MMAA: variants seen among roughly 807,000 people sequenced by gnomAD.
MMAA encodes metabolism of cobalamin associated A.
Under a neutral mutation model 45.0 loss-of-function variants are expected in MMAA, and 41 were observed. That is an observed-to-expected ratio of 0.91 (90% CI 0.71 to 1.18). The LOEUF (loss-of-function observed/expected upper bound fraction) is 1.18, where lower values mean the gene tolerates loss of function less well. MMAA is among the 50% of genes most tolerant of loss of function. The probability of loss-of-function intolerance (pLI) is 0.00; values close to 1 mark genes in which losing one functional copy is unlikely to be tolerated. For synonymous variants in MMAA, 154 were observed against 178.2 expected (o/e 0.86, Z 1.08); for missense variants, 460 against 495.7 (o/e 0.93, Z 0.68).
At chr4:145,638,547 T>A (rs1055970828) in intron 1 of MMAA, among the ~76,000 whole-genome samples, 4 of 152,352 alleles carry the variant, frequency 2.6e-5, no homozygotes, top group African/African-American at 9.6e-5. Flanking sequence ...TAAGTTAGGC[T>A]ACTCTTTGCA....
chr4:145,655,130 T>G lies in MMAA; in HGVS notation c.970-17T>G. ...ATCATTTTAAGTAAAATGGTCTGGT[T>G]CTTCCCTTTTCGATAGGTAATTCGT... On this transcript the variant is annotated splice_polypyrimidine_tract_variant and intron_variant, in intron 6 of 6. Coordinates refer to ENST00000649156, the MANE Select transcript of MMAA (RefSeq NM_172250.3). 1 of 1,613,882 alleles carries G rather than the reference T, an allele frequency of 6.2e-7. No individual in the cohort carries two copies. Among genetic ancestry groups the G allele is most frequent in the Non-Finnish European group, 8.5e-7 (1 of 1,179,926 alleles).
intron 1 of MMAA, chr4:145,624,442 G>A (rs1055886801): frequency 1.2e-6 from 1 of 817,962 alleles, no homozygotes; most frequent in Non-Finnish European, 2.1e-6. Context: ...TTTAGCTTTT[G>A]TTTGCCAGCT....
Position 145,654,081 on chromosome 4 carries a change from C to G in MMAA, c.907C>G (p.Gln303Glu). 1 of 1,614,110 alleles carries G rather than the reference C, an allele frequency of 6.2e-7. No individual in the cohort carries two copies. Among genetic ancestry groups the G allele is most frequent in the Non-Finnish European group, 8.5e-7 (1 of 1,180,012 alleles). Reference protein sequence around the residue: ...GDLIVPARRIQAEYVSALKLL... With the variant: ...GDLIVPARRIEAEYVSALKLL... ...CTTGATTGTGCCAGCTCGAAGGATA[C>G]AAGCGGAATATGTGAGTGCACTGAA... Residue 303 changes from glutamine (Q) to glutamate (E), a missense_variant, in exon 6 of 7, where the codon CAA becomes GAA. Gln to Glu is a conservative substitution (Grantham distance 29). Transcript: ENST00000649156.
At chr4:145,650,980 G>A (rs1578885452) in intron 4 of MMAA, 82 bp from the exon 5 acceptor site, 1 of 1,210,716 alleles carries the variant, frequency 8.3e-7, no homozygotes, top group East Asian at 2.3e-5. Flanking sequence ...AGTAAATGAA[G>A]TAGAATGGAA....
At chr4:145,624,238 G>A in intron 1 of MMAA, 1 of 808,368 alleles carries the variant, frequency 1.2e-6, no homozygotes, top group South Asian at 1.3e-5. Flanking sequence ...ATCACAAACT[G>A]CAGGGAGGCC....
chr4:145,634,498 A>G (rs1342955037), intron 1 of MMAA, among the ~76,000 whole-genome samples: 1 of 151,624 alleles, frequency 6.6e-6, no homozygotes, highest in Non-Finnish European at 1.5e-5. Context: ...CAGAAATGCC[A>G]TCCAAGAGCC....
Position 145,639,074 on chromosome 4 carries a change from G to A in MMAA, c.-65-1G>A. 1 of 1,424,978 alleles carries A rather than the reference G, an allele frequency of 7.0e-7. No homozygotes were observed. The highest frequency in any genetic ancestry group is 1.1e-5 in the South Asian group (1 of 87,338). The allele number at this position is 1,424,978 out of a possible 1,614,324, so 88.3% of individuals were successfully genotyped here. On this transcript the variant is annotated splice_acceptor_variant, in intron 1 of 6. Coordinates refer to ENST00000649156, the MANE Select transcript of MMAA (RefSeq NM_172250.3). LOFTEE classifies it low-confidence loss of function (5UTR_SPLICE). ...GGCTAACATGTTTTTCTTTCTTCTA[G>A]GGAGGTCACAATCACATTGAGCCAA...
chr4:145,632,330 T>A (rs1283106375), intron 1 of MMAA, among the ~76,000 whole-genome samples: 1 of 152,234 alleles, frequency 6.6e-6, no homozygotes, highest in Non-Finnish European at 1.5e-5. Flanking sequence ...TGCCATTCTC[T>A]CCTAGCCTAT....
At chr4:145,641,451 C>T (rs1404764154) in intron 2 of MMAA, among the ~76,000 whole-genome samples, 4 of 152,134 alleles carry the variant, frequency 2.6e-5, no homozygotes, top group Admixed American at 6.5e-5. Flanking sequence ...AGTATTGGAT[C>T]TGCCCCAAGA....
At chr4:145,653,204 T>C (rs1297946166) in intron 5 of MMAA, among the ~76,000 whole-genome samples, 1 of 152,200 alleles carries the variant, frequency 6.6e-6, no homozygotes, top group Non-Finnish European at 1.5e-5. Flanking sequence ...AATGCTTCTG[T>C]TTCAATTTTA....
At chr4:145,631,835 G>A (rs1727449076) in intron 1 of MMAA, among the ~76,000 whole-genome samples, 1 of 151,946 alleles carries the variant, frequency 6.6e-6, no homozygotes, top group African/African-American at 2.4e-5. Flanking sequence ...TGTAAGACTT[G>A]CTATCTTATC....
At chr4:145,634,723 G>C (rs1226338009) in intron 1 of MMAA, among the ~76,000 whole-genome samples, 3 of 151,932 alleles carry the variant, frequency 2.0e-5, no homozygotes, top group Non-Finnish European at 4.4e-5. Context: ...CCTCTATGTA[G>C]TACCTTGGTA....
chr4:145,625,802 A>G, intron 1 of MMAA: 2 of 1,154,116 alleles, frequency 1.7e-6, no homozygotes, highest in Non-Finnish European at 2.6e-6. Context: ...CTTTAAGCTG[A>G]TAGATGAGGT....
chr4:145,651,029 A>AT, intron 4 of MMAA, 33 bp from the exon 5 acceptor site: 2 of 1,582,136 alleles, frequency 1.3e-6, no homozygotes, highest in Non-Finnish European at 1.7e-6. Context: ...AATGGTGAGT[A>AT]TTTTAGGATA....
chr4:145,638,300 C>A (rs146450540), intron 1 of MMAA, among the ~76,000 whole-genome samples: 2,070 of 152,142 alleles, frequency 0.014, 60 homozygotes, highest in African/African-American at 0.048. Flanking sequence ...ACCCGGGAGG[C>A]GGAGCTTGCA....
intron 5 of MMAA, 53 bp from the exon 6 acceptor site, chr4:145,653,941 C>A: frequency 6.3e-7 from 1 of 1,578,594 alleles, no homozygotes; most frequent in Non-Finnish European, 8.7e-7. Context: ...TGAGCATTGA[C>A]TAGTTTTCCC....
At chr4:145,652,884 T>TG (rs1161479859) in intron 5 of MMAA, among the ~76,000 whole-genome samples, 3 of 152,024 alleles carry the variant, frequency 2.0e-5, no homozygotes, top group Admixed American at 2.0e-4. Flanking sequence ...CCTTTTTTTT[T>TG]TCAGAGACAG....
chr4:145,619,706 G>A (rs2126603929), intron 1 of MMAA, among the ~76,000 whole-genome samples: 1 of 152,252 alleles, frequency 6.6e-6, no homozygotes, highest in South Asian at 2.1e-4. Context: ...GGTTATCTCT[G>A]AGCCACAGCA....
rs899365870 is a variant in MMAA at position 145,638,151 on chromosome 4, C to G, written c.-65-924C>G. On this transcript the variant is annotated intron_variant, in intron 1 of 6. Coordinates refer to ENST00000649156, the MANE Select transcript of MMAA (RefSeq NM_172250.3). ...TTGGGAGGCCGAGGCGGGCGGCTCA[C>G]GAGGTCAGGAGATCGAGAGCGTCCT... 5.9e-5 allele frequency among the ~76,000 whole-genome samples: 9 copies of G among 152,154 alleles called. No individual in the cohort carries two copies. The East Asian group carries it at 1.7e-3, about 29-fold the overall frequency.
Sources: allele counts gnomAD v4.1 joint callset (sites outside exome capture counted in the v4.1 genomes callset), GRCh38; gene constraint gnomAD v4.1.1; transcripts MANE v1.5; gene names NCBI Gene and HGNC (gene_info 2026-07-23, HGNC 2026-07-21).